Variants in MTA3 observed in about 807,000 individuals in gnomAD.
MTA3 encodes metastasis associated 1 family member 3.
A neutral mutation model predicts 83.5 loss-of-function variants in MTA3; 34 were observed. The ratio of observed to expected loss-of-function variants is 0.41; its 90% CI spans 0.31 to 0.54. MTA3 has a LOEUF of 0.54. Ranked by LOEUF, MTA3 falls within the 20% of genes least tolerant of loss-of-function variation. The pLI is 0.33. For synonymous variants in MTA3, 303 were observed against 252.7 expected (o/e 1.20, Z -1.89); for missense variants, 761 against 726.4 (o/e 1.05, Z -0.55).
chr2:42,622,287 T>C (rs2104200353), intron 4 of MTA3, among the ~76,000 whole-genome samples: 1 of 151,994 alleles, frequency 6.6e-6, no homozygotes, highest in African/African-American at 2.4e-5. Flanking sequence ...GCGCCTGCAA[T>C]CGCAGGCACT....
chr2:42,689,973 T>C (rs988548836), intron 9 of MTA3, among the ~76,000 whole-genome samples: 5 of 151,962 alleles, frequency 3.3e-5, no homozygotes, highest in Admixed American at 1.3e-4. Flanking sequence ...TTTCCTAGTA[T>C]CTTCTTATTG....
At chr2:42,536,858 CA>C (rs71410118) in intron 2 of MTA3, among the ~76,000 whole-genome samples, 92 of 84,292 alleles carry the variant, frequency 1.1e-3, no homozygotes, top group East Asian at 4.1e-3. Context: ...GACCCCATCT[CA>C]AAAAAAAAAA....
intron 11 of MTA3, chr2:42,698,464 G>A (rs537117407): frequency 2.6e-5 from 4 of 151,494 alleles, no homozygotes; most frequent in South Asian, 2.1e-4. Flanking sequence ...GGGGAACCTC[G>A]TTTCTGCAAA....
chr2:42,505,763 A>AT (rs1286636618), intron 2 of MTA3, among the ~76,000 whole-genome samples: 1 of 141,902 alleles, frequency 7.0e-6, no homozygotes, highest in Non-Finnish European at 1.5e-5. Flanking sequence ...TGGGCCACAA[A>AT]TTGATAATTT....
chr2:42,606,121 C>T (rs1573219923), intron 3 of MTA3, among the ~76,000 whole-genome samples: 1 of 90,698 alleles, frequency 1.1e-5, no homozygotes, highest in East Asian at 3.2e-4. Flanking sequence ...CTGAGGGGCT[C>T]CTCACTTCCC....
chr2:42,543,725 G>GTCC (rs969089796), intron 2 of MTA3, among the ~76,000 whole-genome samples: 1 of 148,180 alleles, frequency 6.7e-6, no homozygotes, highest in Admixed American at 6.9e-5. Flanking sequence ...GCCTCAAGCA[G>GTCC]TCCTCCCTCC....
At chr2:42,553,165 C>A (rs1677199361) in intron 2 of MTA3, among the ~76,000 whole-genome samples, 1 of 151,566 alleles carries the variant, frequency 6.6e-6, no homozygotes, top group South Asian at 2.1e-4. Context: ...GTGGCTCAAG[C>A]CTGTAATCCC....
intron 7 of MTA3, among the ~76,000 whole-genome samples, chr2:42,658,147 T>C (rs989600753): frequency 3.0e-5 from 4 of 134,440 alleles, no homozygotes; most frequent in Non-Finnish European, 4.7e-5. Context: ...CCACTGCCAA[T>C]CCACCAGAAT....
chr2:42,540,924 G>C (rs6754983), intron 2 of MTA3, among the ~76,000 whole-genome samples: 52,423 of 151,688 alleles, frequency 0.35, 9,137 homozygotes, highest in South Asian at 0.41. Flanking sequence ...TTCAATGCAC[G>C]AATTTTGTAC....
intron 2 of MTA3, among the ~76,000 whole-genome samples, chr2:42,530,041 C>T (rs998414915): frequency 1.4e-4 from 21 of 151,656 alleles, no homozygotes; most frequent in Middle Eastern, 3.4e-3. Flanking sequence ...AAAAATTAGC[C>T]GGGCGTGGTG....
At chr2:42,667,838 A>G (rs1013272523) in intron 8 of MTA3, among the ~76,000 whole-genome samples, 17 of 152,168 alleles carry the variant, frequency 1.1e-4, no homozygotes, top group Non-Finnish European at 2.2e-4. Flanking sequence ...TTGTGTGTAT[A>G]TACCACATTA....
intron 5 of MTA3, among the ~76,000 whole-genome samples, chr2:42,642,810 GATT>G (rs565540239): frequency 8.5e-4 from 129 of 151,692 alleles, no homozygotes; most frequent in African/African-American, 2.8e-3. Flanking sequence ...ACACCCGGCT[GATT>G]TTTCTATTTT....
chr2:42,748,264 C>T (rs1245823326), intron 16 of MTA3, among the ~76,000 whole-genome samples: 2 of 148,786 alleles, frequency 1.3e-5, no homozygotes, highest in Non-Finnish European at 3.0e-5. Flanking sequence ...CGGGGTTTCA[C>T]CGTGTTGGCC....
chr2:42,661,668 A>G (rs1033110119), intron 8 of MTA3, among the ~76,000 whole-genome samples: 2 of 152,154 alleles, frequency 1.3e-5, no homozygotes, highest in Non-Finnish European at 2.9e-5. Flanking sequence ...GTACAGCAGC[A>G]GCCAAAAAAA....
chr2:42,564,876 A>C (rs112812989), upstream of MTA3, among the ~76,000 whole-genome samples: 3,408 of 152,238 alleles, frequency 0.022, 115 homozygotes, highest in African/African-American at 0.077. Flanking sequence ...TCCTGGGTTC[A>C]AGCGATTCTT....
chr2:42,579,184 C>T lies in MTA3; in HGVS notation c.174C>T (p.Leu58=), dbSNP rs748298657. The part of the protein sequence containing the change: ...RRDISNTLIM[L]ADKHAKEIEE... ...ATATTTCCAACACACTTATAATGCT[C>T]GCAGATAAGCATGCTAGTAAGTTGT... Residue 58 remains leucine, a synonymous_variant, in exon 3 of 17, where the codon CTC becomes CTT. Transcript: ENST00000405094. 1.1e-5 allele frequency: 17 copies of T among 1,593,798 alleles called. No individual in the cohort carries two copies. The highest frequency in any genetic ancestry group is 8.8e-5 in the Admixed American group (5 of 56,586).
In MTA3 at chr2:42,695,794, T is replaced by C. The variant is rs565780584; in HGVS notation, c.921T>C (p.Ile307=). Residue 307 remains isoleucine, a synonymous_variant, in exon 10 of 17, where the codon ATT becomes ATC. Transcript: ENST00000405094. ...FLPWKSLTSI[I]EYYYMWKTTD... is the part of the protein sequence containing the mutation. ...CTTGGAAATCATTGACTAGCATCAT[T>C]GAATATTATTACATGTGGAAAACTA... 2.5e-6 allele frequency: 4 copies of C among 1,584,216 alleles called. No homozygotes were observed.
chr2:42,739,286 G>A (rs1036753645), intron 16 of MTA3, among the ~76,000 whole-genome samples: 12 of 152,088 alleles, frequency 7.9e-5, no homozygotes, highest in East Asian at 1.9e-4. Context: ...AAGAACCTAC[G>A]TGATTATCGG....
At chr2:42,750,315 C>T (rs1163701706) in intron 16 of MTA3, among the ~76,000 whole-genome samples, 1 of 152,032 alleles carries the variant, frequency 6.6e-6, no homozygotes, top group African/African-American at 2.4e-5. Flanking sequence ...AAGTATTCTT[C>T]TCTGTTTCTT....
Sources: gnomAD v4.1 joint callset for allele counts (sites outside exome capture counted in the v4.1 genomes callset) on GRCh38, gnomAD v4.1.1 for gene constraint, MANE v1.5 for transcripts, NCBI Gene and HGNC (gene_info 2026-07-23, HGNC 2026-07-21) for gene names.